The following MAGI1 variants were observed in gnomAD, a reference collection of about 807,000 sequenced individuals.
MAGI1 encodes membrane associated guanylate kinase, WW and PDZ domain containing 1.
A neutral mutation model predicts 139.9 loss-of-function variants in MAGI1; 58 were observed. The observed-to-expected ratio is 0.41, with a 90% CI of 0.34 to 0.52. The LOEUF (loss-of-function observed/expected upper bound fraction) is 0.52, where lower values mean the gene tolerates loss of function less well. Ranked by LOEUF, MAGI1 falls within the 20% of genes least tolerant of loss-of-function variation. The probability of loss-of-function intolerance (pLI) is 0.12; values close to 1 mark genes in which losing one functional copy is unlikely to be tolerated. For missense variants in MAGI1, 1,874 were observed against 1,901.6 expected (o/e 0.99, Z 0.27); for synonymous variants, 812 against 737.9 (o/e 1.10, Z -1.63).
At chr3:66,016,735 G>A (rs79370142) in intron 1 of MAGI1, among the ~76,000 whole-genome samples, 3,010 of 152,240 alleles carry the variant, frequency 0.02, 87 homozygotes, top group African/African-American at 0.068. Context: ...ATAGGACAAG[G>A]TGGAAACAAC....
intron 1 of MAGI1, among the ~76,000 whole-genome samples, chr3:65,637,995 TG>T (rs2084744257): frequency 6.6e-6 from 1 of 152,152 alleles, no homozygotes; most frequent in Non-Finnish European, 1.5e-5. Flanking sequence ...GCATAGACTA[TG>T]TGACTGAACA....
intron 1 of MAGI1, among the ~76,000 whole-genome samples, chr3:65,622,925 A>G (rs1445453982): frequency 6.6e-6 from 1 of 152,186 alleles, no homozygotes; most frequent in Non-Finnish European, 1.5e-5. Flanking sequence ...GAAACAACCA[A>G]AAGGGAGCAA....
chr3:65,363,732 T>A (rs1208713883), intron 20 of MAGI1, 124 bp from the exon 21 acceptor site: 2 of 736,206 alleles, frequency 2.7e-6, no homozygotes, highest in Non-Finnish European at 2.2e-6. Flanking sequence ...TTATTAATAA[T>A]CTTGATTCAT....
At chr3:65,603,091 G>T (rs13100736) in intron 2 of MAGI1, among the ~76,000 whole-genome samples, 21,824 of 151,966 alleles carry the variant, frequency 0.14, 2,084 homozygotes, top group Non-Finnish European at 0.21. Context: ...TGAAGTTAAA[G>T]AACTATCTCC....
At chr3:66,037,198 G>A (rs777756965) in intron 1 of MAGI1, among the ~76,000 whole-genome samples, 1 of 152,140 alleles carries the variant, frequency 6.6e-6, no homozygotes, top group Non-Finnish European at 1.5e-5. Flanking sequence ...AGAACAACTC[G>A]TTCTTAGAAC....
At chr3:65,782,392 GA>G in intron 1 of MAGI1, among the ~76,000 whole-genome samples, 1 of 152,222 alleles carries the variant, frequency 6.6e-6, no homozygotes, top group East Asian at 1.9e-4. Flanking sequence ...AAAGCCTTAG[GA>G]AGGGAACACA....
chr3:65,778,449 T>C (rs144919986), intron 1 of MAGI1, among the ~76,000 whole-genome samples: 1 of 130,654 alleles, frequency 7.7e-6, no homozygotes, highest in Non-Finnish European at 1.6e-5. Flanking sequence ...AAAAAATAAA[T>C]AAATAAGTCT....
chr3:65,963,155 GA>G (rs111496149), intron 1 of MAGI1, among the ~76,000 whole-genome samples: 67,106 of 138,114 alleles, frequency 0.49, 16,385 homozygotes, highest in South Asian at 0.62. Context: ...ACACAGTGGG[GA>G]AAAAAAAAAA....
At chr3:65,515,215 C>T (rs1364618148) in intron 2 of MAGI1, among the ~76,000 whole-genome samples, 1 of 144,486 alleles carries the variant, frequency 6.9e-6, no homozygotes, top group African/African-American at 2.6e-5. Context: ...TGCTAGATGA[C>T]GAGTTAGTGG....
chr3:65,501,376 G>A (rs1357457985), intron 2 of MAGI1, among the ~76,000 whole-genome samples: 3 of 140,302 alleles, frequency 2.1e-5, no homozygotes, highest in South Asian at 4.4e-4. Context: ...GGAGGCTGAG[G>A]CAGAGAACTG....
At chr3:65,739,085 C>T (rs2035032914) in intron 1 of MAGI1, among the ~76,000 whole-genome samples, 1 of 152,234 alleles carries the variant, frequency 6.6e-6, no homozygotes, top group East Asian at 1.9e-4. Flanking sequence ...AAGGCTGTTT[C>T]ATCCGCACTG....
rs181571254 is a variant in MAGI1 at position 65,982,400 on chromosome 3, G to C, written c.313+55596C>G. 3.9e-3 allele frequency among the ~76,000 whole-genome samples: 589 copies of C among 152,280 alleles called. 2 individuals carry two copies. The highest frequency in any genetic ancestry group is 3.7e-3 in the Non-Finnish European group (254 of 68,024). On this transcript the variant is annotated intron_variant, in intron 1 of 22. Transcript: ENST00000402939. ...GAAAAAAAGGCAGAGTCCTGCTCTT[G>C]ACCTTTCTCCTTCTCACCAGGGAAA...
At chr3:65,789,972 A>C (rs2039652007) in intron 1 of MAGI1, among the ~76,000 whole-genome samples, 1 of 152,226 alleles carries the variant, frequency 6.6e-6, no homozygotes. Context: ...GCTCAGGATC[A>C]GAAACATTAT....
intron 1 of MAGI1, among the ~76,000 whole-genome samples, chr3:65,933,671 A>G (rs1201178840): frequency 1.3e-5 from 2 of 152,212 alleles, no homozygotes; most frequent in Non-Finnish European, 2.9e-5. Context: ...CTTGGAGGCT[A>G]GCTACAATTG....
chr3:65,401,560 C>A, intron 12 of MAGI1, 90 bp from the exon 13 acceptor site: 1 of 1,561,384 alleles, frequency 6.4e-7, no homozygotes. Flanking sequence ...CCCAGGTGTT[C>A]CATGGCAACC....
chr3:65,454,115 G>A (rs917297624), intron 5 of MAGI1, among the ~76,000 whole-genome samples: 3 of 152,068 alleles, frequency 2.0e-5, no homozygotes, highest in Non-Finnish European at 4.4e-5. Context: ...GAAGCATTCA[G>A]CTTTTGTGCT....
intron 1 of MAGI1, among the ~76,000 whole-genome samples, chr3:65,830,748 C>T (rs1236748231): frequency 1.3e-5 from 2 of 152,080 alleles, no homozygotes; most frequent in African/African-American, 4.8e-5. Flanking sequence ...CCAAACTTTA[C>T]CAAGGTTGTA....
intron 14 of MAGI1, 137 bp downstream of exon 14, chr3:65,391,001 CCTCT>C: frequency 1.4e-6 from 1 of 696,136 alleles, no homozygotes. Flanking sequence ...GAGTCCACTC[CCTCT>C]GTGATACTTT....
At chr3:65,617,563 C>G (rs1441803301) in intron 2 of MAGI1, among the ~76,000 whole-genome samples, 2 of 152,106 alleles carry the variant, frequency 1.3e-5, no homozygotes, top group Non-Finnish European at 2.9e-5. Flanking sequence ...TTAAGAGGAG[C>G]TGTGAACGGG....
Sources: allele counts gnomAD v4.1 joint callset (sites outside exome capture counted in the v4.1 genomes callset), GRCh38; gene constraint gnomAD v4.1.1; transcripts MANE v1.5; gene names NCBI Gene and HGNC (gene_info 2026-07-23, HGNC 2026-07-21).